The following P2RY10 variants were observed in gnomAD, a reference collection of about 807,000 sequenced individuals.
The protein encoded by P2RY10 is P2Y receptor family member 10.
In P2RY10, 4 loss-of-function variants were observed where a neutral mutation model predicts 12.1. That is an observed-to-expected ratio of 0.33 (90% CI 0.16 to 0.76). The LOEUF (loss-of-function observed/expected upper bound fraction) is 0.76, where lower values mean the gene tolerates loss of function less well. P2RY10 is among the 30% of genes least tolerant of loss of function. P2RY10 has a pLI of 0.61. For missense variants in P2RY10, 233 were observed against 264.6 expected, an observed-to-expected ratio of 0.88 and a Z score of 0.83; for synonymous variants, 112 against 94.1, an observed-to-expected ratio of 1.19 and a Z score of -1.10.
chrX:78,949,443 C>T (rs1922004695), intron 2 of P2RY10, among the ~76,000 whole-genome samples: 2 of 111,635 alleles, frequency 1.8e-5, no homozygotes, highest in African/African-American at 3.3e-5. Flanking sequence ...GAAACTGAAG[C>T]CTGGTGATAT....
intron 3 of P2RY10, among the ~76,000 whole-genome samples, chrX:78,957,099 T>C (rs1469049956): frequency 9.1e-6 from 1 of 109,770 alleles, no homozygotes; most frequent in Non-Finnish European, 1.9e-5. Flanking sequence ...TGGGTTTTTA[T>C]TGTCTATGGG....
chrX:78,950,089 A>G (rs1444480156), intron 2 of P2RY10, among the ~76,000 whole-genome samples: 3 of 111,967 alleles, frequency 2.7e-5, no homozygotes, highest in African/African-American at 9.7e-5. Context: ...GCCCACAGAC[A>G]GGCTTCAGCA....
intron 2 of P2RY10, among the ~76,000 whole-genome samples, chrX:78,949,811 A>G (rs1209780706): frequency 1.8e-5 from 2 of 112,296 alleles, no homozygotes; most frequent in African/African-American, 6.5e-5. Context: ...TTTATTCAGG[A>G]AACAGCAGAG....
At chrX:78,950,647 T>C (rs919914885) in intron 2 of P2RY10, among the ~76,000 whole-genome samples, 1 of 111,709 alleles carries the variant, frequency 9.0e-6, no homozygotes, top group African/African-American at 3.3e-5. Flanking sequence ...TGACACCTGG[T>C]GGGCAGCAAT....
At chrX:78,951,625 T>C (rs1272076271) in intron 2 of P2RY10, among the ~76,000 whole-genome samples, 1 of 111,286 alleles carries the variant, frequency 9.0e-6, no homozygotes, top group Admixed American at 9.6e-5. Flanking sequence ...AGAAGTAAAA[T>C]ATTGACCTCT....
chrX:78,958,441 G>C (rs1336781273), intron 3 of P2RY10, among the ~76,000 whole-genome samples: 2 of 112,168 alleles, frequency 1.8e-5, no homozygotes, highest in Non-Finnish European at 3.8e-5. Flanking sequence ...TAGTCAGGGA[G>C]AGGAAAGTGG....
intron 1 of P2RY10, among the ~76,000 whole-genome samples, chrX:78,947,286 A>G (rs1268457526): frequency 1.8e-5 from 2 of 112,094 alleles, no homozygotes; most frequent in African/African-American, 6.5e-5. Flanking sequence ...AGCAAAGAGA[A>G]CAAAGCTGTT....
At chrX:78,949,124 C>A (rs1921986316) in intron 2 of P2RY10, among the ~76,000 whole-genome samples, 1 of 111,288 alleles carries the variant, frequency 9.0e-6, no homozygotes, top group African/African-American at 3.3e-5. Flanking sequence ...TTTTAATTTG[C>A]ATTTCTCTGA....
At chrX:78,951,646 C>A (rs1411862633) in intron 2 of P2RY10, among the ~76,000 whole-genome samples, 1 of 111,059 alleles carries the variant, frequency 9.0e-6, no homozygotes, top group Admixed American at 9.6e-5. Flanking sequence ...GAGTTGGGCT[C>A]CAGGTAAAAA....
Position 78,961,678 on chromosome X carries a change from CA to C in P2RY10, c.*140del. Reference sequence around the variant, plus strand: ...AGTACTTTTGTGTAATATTCACAGTCAACAGGGGTGTGATGGTGAAGGCAGA... The same window carrying C: ...AGTACTTTTGTGTAATATTCACAGTCACAGGGGTGTGATGGTGAAGGCAGA... On this transcript the variant is annotated 3_prime_UTR_variant, in exon 4 of 4. Transcript: ENST00000171757. The C allele has an allele frequency of 2.2e-6, 1 of 458,536 alleles. No individual in the cohort carries two copies. Among genetic ancestry groups the C allele is most frequent in the Non-Finnish European group, 3.7e-6 (1 of 270,451 alleles). 37.8% of individuals were successfully genotyped at this position (458,536 alleles called of 1,213,427 possible).
chrX:78,952,944 A>T (rs1306040577), intron 3 of P2RY10, among the ~76,000 whole-genome samples: 1 of 111,778 alleles, frequency 8.9e-6, no homozygotes, highest in Non-Finnish European at 1.9e-5. Context: ...AAAGGGGCTG[A>T]TTAGCCACCA....
At chrX:78,951,471 C>T (rs1027064100) in intron 2 of P2RY10, among the ~76,000 whole-genome samples, 1 of 111,461 alleles carries the variant, frequency 9.0e-6, no homozygotes, top group Non-Finnish European at 1.9e-5. Context: ...ATGCCTAATG[C>T]TCTGCTAATA....
intron 3 of P2RY10, among the ~76,000 whole-genome samples, chrX:78,955,008 G>A (rs1188237535): frequency 8.9e-6 from 1 of 111,849 alleles, no homozygotes; most frequent in Non-Finnish European, 1.9e-5. Flanking sequence ...AACGGGGACG[G>A]GGTGGAGAGA....
rs1466410423 is a variant in P2RY10, at chrX:78,961,244, C to T, written c.724C>T (p.Leu242=). 8.3e-7 allele frequency: 1 copy of T among 1,208,982 alleles called. No individual in the cohort carries two copies. Among genetic ancestry groups the T allele is most frequent in the African/African-American group, 1.8e-5 (1 of 57,141 alleles). Reference sequence around the variant, plus strand: ...AGGGATCAGTGAGAGGCAGAAAGCACTGCGGATGGTGTTCATGTGTGCTGC... The same window carrying T: ...AGGGATCAGTGAGAGGCAGAAAGCATTGCGGATGGTGTTCATGTGTGCTGC... ...FQGISERQKA[L]RMVFMCAAVF... The change falls in exon 4 of 4, where the codon CTG becomes TTG. Residue 242 remains leucine (L), a synonymous_variant. Transcript: ENST00000171757.
At chrX:78,957,342 A>G (rs187051102) in intron 3 of P2RY10, among the ~76,000 whole-genome samples, 1 of 101,398 alleles carries the variant, frequency 9.9e-6, no homozygotes, top group Admixed American at 1.1e-4. Flanking sequence ...AGACTCATAG[A>G]TAGAGGAAGA....
At chrX:78,960,201 C>A (rs1922538731) in intron 3 of P2RY10, among the ~76,000 whole-genome samples, 1 of 112,213 alleles carries the variant, frequency 8.9e-6, no homozygotes, top group Non-Finnish European at 1.9e-5. Context: ...TAATCGAATT[C>A]TATGCTGTTT....
chrX:78,945,773 G>C (rs1397703259), intron 1 of P2RY10, among the ~76,000 whole-genome samples: 1 of 112,015 alleles, frequency 8.9e-6, no homozygotes, highest in Non-Finnish European at 1.9e-5. Flanking sequence ...TAGAGAGTGG[G>C]ACCAGAGAAG....
intron 3 of P2RY10, among the ~76,000 whole-genome samples, chrX:78,957,037 G>A (rs760005930): frequency 1.8e-5 from 2 of 110,543 alleles, no homozygotes; most frequent in African/African-American, 3.3e-5. Context: ...CAGTAGAGGT[G>A]GAGATAGGTT....
intron 3 of P2RY10, 21 bp from the exon 4 acceptor site, chrX:78,960,487 A>G (rs1190816852): frequency 3.4e-6 from 4 of 1,161,619 alleles, no homozygotes; most frequent in Non-Finnish European, 3.5e-6. Context: ...TTTACTCTTT[A>G]TTTTGTTTTA....
Sources: allele counts gnomAD v4.1 joint callset (sites outside exome capture counted in the v4.1 genomes callset), GRCh38; gene constraint gnomAD v4.1.1; transcripts MANE v1.5; gene names NCBI Gene and HGNC (gene_info 2026-07-23, HGNC 2026-07-21).